Variants in WDR72 observed in about 807,000 individuals in gnomAD.
The protein encoded by WDR72 is WD repeat-containing protein 72.
A neutral mutation model predicts 124.2 loss-of-function variants in WDR72; 120 were observed. That is an observed-to-expected ratio of 0.97 (90% CI 0.83 to 1.12). The LOEUF (loss-of-function observed/expected upper bound fraction) is 1.12. Ranked by LOEUF, WDR72 falls within the 50% of genes most tolerant of loss-of-function variation. The probability of loss-of-function intolerance (pLI) is 0.00; values close to 1 mark genes in which losing one functional copy is unlikely to be tolerated. For missense variants in WDR72, 1,387 were observed against 1,278.8 expected (o/e 1.08, Z -1.29); for synonymous variants, 452 against 441.7 (o/e 1.02, Z -0.29).
At chr15:53,612,769 C>T (rs145241474) in intron 16 of WDR72, among the ~76,000 whole-genome samples, 79 of 152,134 alleles carry the variant, frequency 5.2e-4, no homozygotes, top group African/African-American at 1.9e-3. Flanking sequence ...GAGGTTCTGA[C>T]TTAGTTCTGA....
intron 18 of WDR72, among the ~76,000 whole-genome samples, chr15:53,595,121 A>C (rs2012709933): frequency 6.6e-6 from 1 of 152,174 alleles, no homozygotes; most frequent in Non-Finnish European, 1.5e-5. Context: ...CAACATATAA[A>C]GTAGGTGTAA....
intron 18 of WDR72, among the ~76,000 whole-genome samples, chr15:53,531,287 T>C (rs969572921): frequency 2.1e-5 from 3 of 145,582 alleles, no homozygotes; most frequent in Non-Finnish European, 3.1e-5. Flanking sequence ...TTTACAACTA[T>C]ATGATAACGC....
rs143700484 is a variant in WDR72 at position 53,668,947 on chromosome 15, C to CAGGAGGAGGAGGAGG, written c.1766-3180_1766-3179insCCTCCTCCTCCTCCT. ...GAGGAAGGAGGAGGAGGAGGAGGAG[C>CAGGAGGAGGAGGAGG]AGGAGGAGGAGGAGAAGGAGGAGGA... On this transcript the variant is annotated intron_variant, in intron 13 of 19. Coordinates refer to ENST00000360509, the MANE Select transcript of WDR72 (RefSeq NM_182758.4). Among the ~76,000 whole-genome samples, 89 of 83,790 alleles carry CAGGAGGAGGAGGAGG rather than the reference C, an allele frequency of 1.1e-3. 1 individual carries two copies. The highest frequency in any genetic ancestry group is 3.2e-3 in the African/African-American group (77 of 24,228). The allele number at this position is 83,790 out of a possible 152,430, so 55.0% of individuals were successfully genotyped here.
At chr15:53,561,868 C>T (rs1307110924) in intron 18 of WDR72, among the ~76,000 whole-genome samples, 1 of 151,754 alleles carries the variant, frequency 6.6e-6, no homozygotes, top group African/African-American at 2.4e-5. Context: ...TTCAAGTGTG[C>T]ATCCAGAGAT....
At chr15:53,729,296 T>C (rs889346851) in intron 2 of WDR72, among the ~76,000 whole-genome samples, 2 of 152,186 alleles carry the variant, frequency 1.3e-5, no homozygotes, top group Non-Finnish European at 2.9e-5. Context: ...AGAAGTCTGC[T>C]AGCCATAGTC....
At chr15:53,658,288 T>C (rs1392280347) in intron 14 of WDR72, among the ~76,000 whole-genome samples, 1 of 152,174 alleles carries the variant, frequency 6.6e-6, no homozygotes, top group African/African-American at 2.4e-5. Flanking sequence ...CCTCTCTGTA[T>C]CTTGAACATA....
Position 53,532,602 on chromosome 15 carries a change from T to TA in WDR72, c.3149-9281dup, listed in dbSNP as rs548380128. On this transcript the variant is annotated intron_variant, in intron 18 of 19. Transcript: ENST00000360509. ...GACAGCTAAGAAAATATTGAACTCT[T>TA]AGAGATAGAGAGTAGAATGATGGTA... 1.2e-3 allele frequency among the ~76,000 whole-genome samples: 120 copies of TA among 97,144 alleles called. 5 individuals are homozygous for TA. In the South Asian group the frequency reaches 0.04, roughly 32 times the overall value. 63.7% of individuals were successfully genotyped at this position (97,144 alleles called of 152,430 possible).
chr15:53,598,893 T>C (rs2012907850), intron 17 of WDR72, among the ~76,000 whole-genome samples: 1 of 152,152 alleles, frequency 6.6e-6, no homozygotes, highest in South Asian at 2.1e-4. Flanking sequence ...ATGATGCTGG[T>C]GAATAGTGCC....
intron 19 of WDR72, among the ~76,000 whole-genome samples, chr15:53,522,156 T>C (rs972395673): frequency 1.3e-5 from 2 of 152,030 alleles, no homozygotes; most frequent in Non-Finnish European, 2.9e-5. Context: ...CGAGATGACT[T>C]AGGGGACCTG....
rs150903344 is a variant in WDR72 at position 53,615,867 on chromosome 15, G to C, written c.2339C>G (p.Pro780Arg). ...GGCATCTACTTTTCTTGATGGCTTA[G>C]GCTGCATTTTTTTGGAGATCTTCAT... ...KKMKISKKMQ[P>R]KPSRKVDASL... The change falls in exon 15 of 20, where the codon CCT becomes CGT. Residue 780 changes from proline to arginine, a missense_variant. By Grantham distance (103) the Pro-to-Arg change is moderately radical. Transcript: ENST00000360509. The C allele has an allele frequency of 6.2e-7, 1 of 1,613,574 alleles. No homozygotes were observed. Among genetic ancestry groups the C allele is most frequent in the Non-Finnish European group, 8.5e-7 (1 of 1,179,672 alleles).
chr15:53,637,260 C>T (rs567960915), intron 14 of WDR72, among the ~76,000 whole-genome samples: 1 of 152,090 alleles, frequency 6.6e-6, no homozygotes, highest in African/African-American at 2.4e-5. Flanking sequence ...AATGTATTAA[C>T]ATTAGGATCT....
chr15:53,731,650 T>C (rs2018206385), intron 2 of WDR72, among the ~76,000 whole-genome samples: 1 of 151,604 alleles, frequency 6.6e-6, no homozygotes, highest in African/African-American at 2.4e-5. Flanking sequence ...GCATAACTTC[T>C]CCACTGAATA....
chr15:53,547,654 T>C lies in WDR72; in HGVS notation c.3149-24332A>G, dbSNP rs1893540943. ...TAGGAAGAACTACACCAGCCTTTTT[T>C]GGTTGCCACATCTGGAACAAAAGGA... On this transcript the variant is annotated intron_variant, in intron 18 of 19. Transcript: ENST00000360509. 2.0e-5 allele frequency among the ~76,000 whole-genome samples: 3 copies of C among 152,204 alleles called. No homozygotes were observed. In the South Asian group the frequency reaches 6.2e-4, roughly 31 times the overall value.
chr15:53,758,113 C>T (rs1447142900), intron 1 of WDR72, among the ~76,000 whole-genome samples: 2 of 151,932 alleles, frequency 1.3e-5, no homozygotes, highest in Non-Finnish European at 2.9e-5. Flanking sequence ...TCAAGTCATC[C>T]AACTCCCTCA....
intron 17 of WDR72, among the ~76,000 whole-genome samples, chr15:53,604,524 T>C (rs2013190734): frequency 6.6e-6 from 1 of 152,110 alleles, no homozygotes; most frequent in Non-Finnish European, 1.5e-5. Context: ...CGAAAGAAAC[T>C]ATCAATAGAG....
At chr15:53,571,322 TTC>T (rs1293559712) in intron 18 of WDR72, among the ~76,000 whole-genome samples, 1 of 151,512 alleles carries the variant, frequency 6.6e-6, no homozygotes, top group African/African-American at 2.4e-5. Context: ...TTGAATTTAT[TTC>T]TCTTATTGAA....
At chr15:53,659,195 T>A (rs1171509520) in intron 14 of WDR72, among the ~76,000 whole-genome samples, 1 of 152,358 alleles carries the variant, frequency 6.6e-6, no homozygotes, top group South Asian at 2.1e-4. Context: ...TTTGAAGAAC[T>A]ATTAGGCTAT....
At chr15:53,729,129 G>T (rs689906) in intron 2 of WDR72, among the ~76,000 whole-genome samples, 9,409 of 152,100 alleles carry the variant, frequency 0.062, 999 homozygotes, top group African/African-American at 0.22. Flanking sequence ...ATCTGGGAAA[G>T]ATCCTTGGCT....
intron 13 of WDR72, among the ~76,000 whole-genome samples, chr15:53,690,765 A>G (rs538780610): frequency 6.6e-6 from 1 of 152,256 alleles, no homozygotes. Flanking sequence ...TACTGTAAAC[A>G]TTTATGTACA....
Sources: gnomAD v4.1 joint callset for allele counts (sites outside exome capture counted in the v4.1 genomes callset) on GRCh38, gnomAD v4.1.1 for gene constraint, MANE v1.5 for transcripts, NCBI Gene and HGNC (gene_info 2026-07-23, HGNC 2026-07-21) for gene names.